Variants in RBFOX1 observed in about 807,000 individuals in gnomAD.
RBFOX1 encodes the protein RNA binding fox-1 homolog 1.
In RBFOX1, 8 loss-of-function variants were observed where a neutral mutation model predicts 57.7. The ratio of observed to expected loss-of-function variants is 0.14; its 90% confidence interval spans 0.08 to 0.25. The LOEUF (loss-of-function observed/expected upper bound fraction) is 0.25, where lower values mean the gene tolerates loss of function less well. Among genes scored for constraint, RBFOX1 ranks in the 10% least tolerant of loss-of-function variants. The pLI, the probability that RBFOX1 is intolerant of heterozygous loss-of-function variation, is 1.00. For missense variants in RBFOX1, 611 were observed against 548.5 expected (o/e 1.11, Z -1.14); for synonymous variants, 326 against 222.4 (o/e 1.47, Z -4.15).
At chr16:6,934,864 T>C (rs890572472) in intron 3 of RBFOX1, among the ~76,000 whole-genome samples, 1 of 152,100 alleles carries the variant, frequency 6.6e-6, no homozygotes, top group African/African-American at 2.4e-5. Context: ...GGCTGGCAGA[T>C]GACTTGAGCT....
intron 2 of RBFOX1, among the ~76,000 whole-genome samples, chr16:6,500,275 C>T (rs1012827078): frequency 2.0e-5 from 3 of 152,090 alleles, no homozygotes; most frequent in African/African-American, 4.8e-5. Flanking sequence ...GCAAGAAGAC[C>T]ATCATCTGTG....
chr16:5,899,929 C>G (rs992709551), intron 4 of RBFOX1, among the ~76,000 whole-genome samples: 2 of 152,112 alleles, frequency 1.3e-5, no homozygotes, highest in Admixed American at 1.3e-4. Context: ...AAAAATGAGT[C>G]AGGCATGGTG....
At chr16:7,252,566 AT>A (rs1725695288) in intron 4 of RBFOX1, among the ~76,000 whole-genome samples, 1 of 152,214 alleles carries the variant, frequency 6.6e-6, no homozygotes, top group African/African-American at 2.4e-5. Context: ...CCATCATCCA[AT>A]ATAACAGCAA....
intron 11 of RBFOX1, among the ~76,000 whole-genome samples, chr16:7,643,033 A>G (rs564877405): frequency 9.8e-5 from 15 of 152,336 alleles, no homozygotes; most frequent in African/African-American, 3.6e-4. Context: ...GACATTTGCC[A>G]CTTGTCTGTT....
At chr16:6,553,703 A>G (rs2153885053) in intron 2 of RBFOX1, among the ~76,000 whole-genome samples, 1 of 152,308 alleles carries the variant, frequency 6.6e-6, no homozygotes, top group African/African-American at 2.4e-5. Context: ...GGCCACTTCT[A>G]TGAATGGTTG....
chr16:6,460,387 A>G (rs1054730332), intron 2 of RBFOX1, among the ~76,000 whole-genome samples: 1 of 152,086 alleles, frequency 6.6e-6, no homozygotes, highest in Non-Finnish European at 1.5e-5. Context: ...TCTACAAGGA[A>G]CTTAAGGAAA....
chr16:5,800,087 T>C (rs2055010285), intron 3 of RBFOX1, among the ~76,000 whole-genome samples: 1 of 151,970 alleles, frequency 6.6e-6, no homozygotes, highest in Non-Finnish European at 1.5e-5. Flanking sequence ...GTCCTACTTA[T>C]AGATGGAGGG....
intron 3 of RBFOX1, among the ~76,000 whole-genome samples, chr16:6,699,965 G>T (rs943622595): frequency 6.6e-6 from 1 of 152,134 alleles, no homozygotes; most frequent in African/African-American, 2.4e-5. Flanking sequence ...AACATAATTT[G>T]CCCTGGTATG....
At chr16:6,397,584 G>C (rs2092894475) in intron 2 of RBFOX1, among the ~76,000 whole-genome samples, 2 of 152,192 alleles carry the variant, frequency 1.3e-5, no homozygotes, top group African/African-American at 4.8e-5. Flanking sequence ...TGCTAGGTGA[G>C]ACTTAAAGAG....
intron 3 of RBFOX1, among the ~76,000 whole-genome samples, chr16:7,002,866 T>C (rs1351490484): frequency 2.0e-5 from 3 of 152,212 alleles, no homozygotes; most frequent in African/African-American, 7.2e-5. Flanking sequence ...AACATCCCGA[T>C]ACACTCAGCG....
At chr16:5,526,219 C>A (rs535636057) in intron 2 of RBFOX1, among the ~76,000 whole-genome samples, 77 of 152,192 alleles carry the variant, frequency 5.1e-4, no homozygotes, top group African/African-American at 1.9e-3. Flanking sequence ...CTGTAGTTTG[C>A]CCTCCTTTCC....
At chr16:5,254,133 T>A (rs1329776689) in intron 1 of RBFOX1, among the ~76,000 whole-genome samples, 1 of 152,190 alleles carries the variant, frequency 6.6e-6, no homozygotes. Flanking sequence ...AGAATTTGAT[T>A]AATAAAAGAT....
chr16:6,892,820 C>CTCTG (rs2065837777), intron 3 of RBFOX1, among the ~76,000 whole-genome samples: 1 of 117,574 alleles, frequency 8.5e-6, no homozygotes, highest in Non-Finnish European at 1.9e-5. Context: ...CTCTCTCTCT[C>CTCTG]TCTCTCTATT....
chr16:7,399,640 T>C (rs369301850), intron 4 of RBFOX1, among the ~76,000 whole-genome samples: 16 of 152,292 alleles, frequency 1.1e-4, no homozygotes, highest in South Asian at 1.0e-3. Context: ...TCCATCTTCA[T>C]ATGGCATTCC....
chr16:6,610,749 A>C (rs893534280), intron 2 of RBFOX1, among the ~76,000 whole-genome samples: 1 of 152,206 alleles, frequency 6.6e-6, no homozygotes, highest in African/African-American at 2.4e-5. Context: ...AACAATCACT[A>C]CCATGATAAC....
chr16:6,396,543 C>T (rs935782343), intron 2 of RBFOX1, among the ~76,000 whole-genome samples: 5 of 152,128 alleles, frequency 3.3e-5, no homozygotes, highest in African/African-American at 4.8e-5. Context: ...CCGTGGGAAG[C>T]CATAGCTGGA....
rs183388131 is a variant in RBFOX1 at position 6,256,389 on chromosome 16, G to T, written c.-126-60606G>T. ...GTTGGGTAAGAGGACTGAGGCAGAA[G>T]GAGGCAGGCATGCCCAAGGTCACCT... On this transcript the variant is annotated intron_variant, in intron 1 of 15. Transcript: ENST00000550418. Among the ~76,000 whole-genome samples, 97 of 149,700 alleles carry T rather than the reference G, an allele frequency of 6.5e-4. 1 individual carries two copies. The highest frequency in any genetic ancestry group is 2.4e-3 in the African/African-American group (96 of 40,728).
chr16:5,285,535 G>C (rs781039798), intron 1 of RBFOX1, among the ~76,000 whole-genome samples: 3 of 151,984 alleles, frequency 2.0e-5, no homozygotes, highest in Non-Finnish European at 4.4e-5. Context: ...CATATTTCTT[G>C]CATCCTTATG....
chr16:5,999,639 A>T (rs1450807664), intron 4 of RBFOX1, among the ~76,000 whole-genome samples: 1 of 152,150 alleles, frequency 6.6e-6, no homozygotes, highest in African/African-American at 2.4e-5. Flanking sequence ...AGGTGGGCGG[A>T]TCACGAGGTC....
Sources: gnomAD v4.1 joint callset for allele counts (sites outside exome capture counted in the v4.1 genomes callset) on GRCh38, gnomAD v4.1.1 for gene constraint, MANE v1.5 for transcripts, NCBI Gene and HGNC (gene_info 2026-07-23, HGNC 2026-07-21) for gene names.